MACROD2: variants seen among roughly 807,000 people sequenced by gnomAD.
The protein encoded by MACROD2 is ADP-ribose glycohydrolase MACROD2.
Under a neutral mutation model 70.4 loss-of-function variants are expected in MACROD2, and 36 were observed. That is an observed-to-expected ratio of 0.51 (90% CI 0.39 to 0.68). The LOEUF (loss-of-function observed/expected upper bound fraction) is 0.68. Among genes scored for constraint, MACROD2 ranks in the 30% least tolerant of loss-of-function variants. The pLI, the probability that MACROD2 is intolerant of heterozygous loss-of-function variation, is 0.00. For missense variants in MACROD2, 496 were observed against 538.4 expected (o/e 0.92, Z 0.78); for synonymous variants, 172 against 178.8 (o/e 0.96, Z 0.30).
chr20:15,073,095 A>T (rs1162891003), intron 5 of MACROD2, among the ~76,000 whole-genome samples: 1 of 152,162 alleles, frequency 6.6e-6, no homozygotes, highest in Admixed American at 6.5e-5. Flanking sequence ...TGGACTTTCC[A>T]GCCTCTAGAA....
At chr20:16,020,302 T>C (rs2066983712) in intron 15 of MACROD2, among the ~76,000 whole-genome samples, 1 of 152,206 alleles carries the variant, frequency 6.6e-6, no homozygotes, top group East Asian at 1.9e-4. Context: ...CACCTTCTGC[T>C]CTTCCCATGG....
chr20:15,296,287 A>G (rs1336661076), intron 6 of MACROD2, among the ~76,000 whole-genome samples: 1 of 152,202 alleles, frequency 6.6e-6, no homozygotes, highest in Non-Finnish European at 1.5e-5. Flanking sequence ...CAACATAAAA[A>G]TTAGAAGAGA....
chr20:15,411,717 G>T (rs1296030699), intron 6 of MACROD2, among the ~76,000 whole-genome samples: 1 of 152,202 alleles, frequency 6.6e-6, no homozygotes, highest in African/African-American at 2.4e-5. Context: ...TTTAGACTCT[G>T]TATGCAGCTG....
At chr20:14,583,976 G>A (rs1376774705) in intron 4 of MACROD2, among the ~76,000 whole-genome samples, 1 of 152,028 alleles carries the variant, frequency 6.6e-6, no homozygotes. Context: ...CCGGCATGAG[G>A]GTGCCCTACT....
chr20:15,474,068 G>T (rs553537939), intron 7 of MACROD2, among the ~76,000 whole-genome samples: 88 of 152,296 alleles, frequency 5.8e-4, no homozygotes, highest in Non-Finnish European at 1.2e-3. Context: ...ATAGGAACGA[G>T]AATTAATTAT....
chr20:15,365,534 GC>G (rs1050766993), intron 6 of MACROD2, among the ~76,000 whole-genome samples: 3 of 151,952 alleles, frequency 2.0e-5, no homozygotes, highest in Non-Finnish European at 4.4e-5. Context: ...GGTGGCATGT[GC>G]CTGTAATCCC....
At chr20:15,342,513 T>C (rs147995881) in intron 6 of MACROD2, among the ~76,000 whole-genome samples, 1 of 152,318 alleles carries the variant, frequency 6.6e-6, no homozygotes. Context: ...TATCAGTGGA[T>C]CTATAAAAAC....
chr20:15,354,858 A>G (rs1294558068), intron 6 of MACROD2, among the ~76,000 whole-genome samples: 3 of 152,212 alleles, frequency 2.0e-5, no homozygotes, highest in African/African-American at 7.2e-5. Context: ...GAGAATATAA[A>G]GTTGTATCTG....
chr20:14,558,084 C>A (rs930761809), intron 4 of MACROD2, among the ~76,000 whole-genome samples: 1 of 151,210 alleles, frequency 6.6e-6, no homozygotes, highest in Non-Finnish European at 1.5e-5. Context: ...GGAAAACTTA[C>A]GCTGAATGAA....
chr20:14,514,638 C>T (rs1004506841), intron 4 of MACROD2, among the ~76,000 whole-genome samples: 3 of 152,080 alleles, frequency 2.0e-5, no homozygotes, highest in Non-Finnish European at 4.4e-5. Context: ...GGGAAGAAGT[C>T]CTGCTGCTTG....
chr20:15,669,280 T>G (rs1285180061), intron 8 of MACROD2, among the ~76,000 whole-genome samples: 3 of 152,238 alleles, frequency 2.0e-5, no homozygotes, highest in Non-Finnish European at 4.4e-5. Context: ...TAATAGGAGA[T>G]TGCTTATTCC....
chr20:15,864,510 A>G (rs1047650843), intron 9 of MACROD2, among the ~76,000 whole-genome samples: 2 of 152,152 alleles, frequency 1.3e-5, no homozygotes, highest in Non-Finnish European at 1.5e-5. Flanking sequence ...CCATACTAAC[A>G]TAAGGTAAAA....
At position 14,492,032 on chromosome 20, in the gene MACROD2, G is replaced by T. The variant is rs139036860; in HGVS notation, c.272-1447G>T. On this transcript the variant is annotated intron_variant, in intron 3 of 17. Transcript: ENST00000684519. ...TGAAATTTCTCTTTTCCACTAAAGG[G>T]TATGAGACCAAGTAGAATTCTCGAA... Among the ~76,000 whole-genome samples, 405 of 152,248 alleles carry T rather than the reference G, an allele frequency of 2.7e-3. 1 individual carries two copies. The highest frequency in any genetic ancestry group is 0.012 in the Admixed American group (191 of 15,282).
chr20:14,386,490 C>A (rs562286169), intron 3 of MACROD2, among the ~76,000 whole-genome samples: 13 of 152,362 alleles, frequency 8.5e-5, no homozygotes, highest in Middle Eastern at 6.8e-3. Flanking sequence ...GGGGGCAGAT[C>A]ACTCCTTAAT....
intron 8 of MACROD2, among the ~76,000 whole-genome samples, chr20:15,692,387 T>C (rs1421254591): frequency 2.0e-5 from 3 of 152,068 alleles, no homozygotes; most frequent in Non-Finnish European, 4.4e-5. Context: ...GGCCATTTTT[T>C]CTATATCAGC....
chr20:14,616,345 C>T (rs1983476376), intron 4 of MACROD2, among the ~76,000 whole-genome samples: 1 of 152,102 alleles, frequency 6.6e-6, no homozygotes. Context: ...CACCTTCTAT[C>T]TTCCTTCTTC....
rs1378266425 is a variant in MACROD2 at position 15,558,588 on chromosome 20, T to A, written c.645+58741T>A. On this transcript the variant is annotated intron_variant, in intron 8 of 17. Transcript: ENST00000684519. ...GGCTACATTGAAACGTGGTTTCATA[T>A]GTTTCATATGAAACCAGTGTGTTAT... Among the ~76,000 whole-genome samples, 4 of 152,374 alleles carry A rather than the reference T, an allele frequency of 2.6e-5. No homozygotes were observed. In the East Asian group the frequency reaches 5.8e-4, roughly 22 times the overall value.
At chr20:14,395,315 G>T (rs1442817640) in intron 3 of MACROD2, among the ~76,000 whole-genome samples, 1 of 151,932 alleles carries the variant, frequency 6.6e-6, no homozygotes, top group African/African-American at 2.4e-5. Context: ...TTTTGAGCAA[G>T]GTTTGGTAGT....
chr20:15,457,251 C>A (rs1045232835), intron 7 of MACROD2, among the ~76,000 whole-genome samples: 1 of 151,864 alleles, frequency 6.6e-6, no homozygotes, highest in Non-Finnish European at 1.5e-5. Flanking sequence ...GATTTCCTGC[C>A]TTGACTATTC....
Sources: allele counts gnomAD v4.1 joint callset (sites outside exome capture counted in the v4.1 genomes callset), GRCh38; gene constraint gnomAD v4.1.1; transcripts MANE v1.5; gene names NCBI Gene and HGNC (gene_info 2026-07-23, HGNC 2026-07-21).